Variants in C1orf21 observed in about 807,000 individuals in gnomAD.
C1orf21 encodes the protein chromosome 1 open reading frame 21.
C1orf21 carries 3 observed loss-of-function variants against 18.7 expected under a neutral mutation model. That is an observed-to-expected ratio of 0.16 (90% confidence interval 0.07 to 0.42). C1orf21 has a LOEUF of 0.42. Among genes scored for constraint, C1orf21 ranks in the 10% least tolerant of loss-of-function variants. C1orf21 has a pLI of 0.99. For synonymous variants in C1orf21, 41 were observed against 46.4 expected, an observed-to-expected ratio of 0.88 and a Z score of 0.47; for missense variants, 104 against 143.6, an observed-to-expected ratio of 0.72 and a Z score of 1.41.
chr1:184,388,920 A>G (rs1025894961), intron 1 of C1orf21, among the ~76,000 whole-genome samples: 4 of 152,026 alleles, frequency 2.6e-5, no homozygotes, highest in Admixed American at 2.0e-4. Context: ...TATTGTCTAG[A>G]GCTGGATTGT....
chr1:184,574,529 A>T (rs1659158745), intron 3 of C1orf21, among the ~76,000 whole-genome samples: 2 of 152,226 alleles, frequency 1.3e-5, no homozygotes, highest in African/African-American at 4.8e-5. Flanking sequence ...GACAGGAACC[A>T]CTTTACATTT....
intron 2 of C1orf21, among the ~76,000 whole-genome samples, chr1:184,479,613 CTTTT>C (rs55840285): frequency 3.2e-5 from 2 of 62,214 alleles, no homozygotes; most frequent in Non-Finnish European, 5.8e-5. Flanking sequence ...TCCCATAGGT[CTTTT>C]TTTTTTTTTT....
At chr1:184,568,848 C>T (rs907188121) in intron 3 of C1orf21, among the ~76,000 whole-genome samples, 3 of 152,206 alleles carry the variant, frequency 2.0e-5, no homozygotes, top group African/African-American at 7.2e-5. Flanking sequence ...CAGCTTCATT[C>T]TGAGTGGGAT....
intron 1 of C1orf21, among the ~76,000 whole-genome samples, chr1:184,388,006 T>C (rs1389651309): frequency 6.6e-6 from 1 of 152,176 alleles, no homozygotes; most frequent in Non-Finnish European, 1.5e-5. Context: ...GCTTGGTTAT[T>C]GTACACGAAA....
At chr1:184,528,602 G>A (rs982252511) in intron 3 of C1orf21, among the ~76,000 whole-genome samples, 2 of 151,942 alleles carry the variant, frequency 1.3e-5, no homozygotes, top group South Asian at 2.1e-4. Flanking sequence ...CTGCTACCAC[G>A]CCCGGCTAAT....
intron 1 of C1orf21, among the ~76,000 whole-genome samples, chr1:184,446,530 A>G (rs1657032381): frequency 6.6e-6 from 1 of 152,214 alleles, no homozygotes; most frequent in Non-Finnish European, 1.5e-5. Context: ...TTAAATGAAC[A>G]TGTTAAATGA....
Position 184,616,932 on chromosome 1 carries a change from C to G in C1orf21, c.328-2586C>G, listed in dbSNP as rs887323065. On this transcript the variant is annotated intron_variant, in intron 5 of 5. Coordinates refer to ENST00000235307, the MANE Select transcript of C1orf21 (RefSeq NM_030806.4). Reference sequence around the variant, plus strand: ...TTTCTGGCCTGTCTGGAGTGCAAGGCTGAGGTGGGAGGAAGAGTTCCCTGA... The same window carrying G: ...TTTCTGGCCTGTCTGGAGTGCAAGGGTGAGGTGGGAGGAAGAGTTCCCTGA... Among the ~76,000 whole-genome samples, 8 of 152,272 alleles carry G rather than the reference C, an allele frequency of 5.3e-5. No individual in the cohort carries two copies. In the South Asian group the frequency reaches 8.3e-4, roughly 16 times the overall value.
chr1:184,456,896 C>T (rs1427016918), intron 1 of C1orf21, among the ~76,000 whole-genome samples: 4 of 152,018 alleles, frequency 2.6e-5, no homozygotes, highest in South Asian at 2.1e-4. Context: ...CAGGGGTGCT[C>T]AGTATAATGT....
intron 3 of C1orf21, among the ~76,000 whole-genome samples, chr1:184,537,707 A>G (rs910286062): frequency 6.6e-6 from 1 of 151,782 alleles, no homozygotes; most frequent in Non-Finnish European, 1.5e-5. Flanking sequence ...CTGGAGTGCA[A>G]TGGTGTGATC....
In C1orf21 at chr1:184,625,893, T is replaced by A. The variant is rs1571309330; in HGVS notation, c.*6337T>A. On this transcript the variant is annotated 3_prime_UTR_variant, in exon 6 of 6. Transcript: ENST00000235307. ...TGGCCTTACACACATAATAGACACA[T>A]CCCTAACGGCGTGTGCCTGGTCCAG... is the stretch of plus-strand genomic sequence containing the variant. 6.6e-6 allele frequency: 1 copy of A among 152,082 alleles called. No homozygotes were observed. Among genetic ancestry groups the A allele is most frequent in the Non-Finnish European group, 1.5e-5 (1 of 68,036 alleles). 9.4% of individuals were successfully genotyped at this position (152,082 alleles called of 1,614,324 possible).
At chr1:184,527,831 G>C (rs191159232) in intron 3 of C1orf21, among the ~76,000 whole-genome samples, 3 of 152,148 alleles carry the variant, frequency 2.0e-5, no homozygotes, top group Non-Finnish European at 4.4e-5. Flanking sequence ...GGCTATCTGA[G>C]ATAAGGTCAG....
At chr1:184,576,842 C>T (rs1488507491) in intron 3 of C1orf21, among the ~76,000 whole-genome samples, 1 of 152,176 alleles carries the variant, frequency 6.6e-6, no homozygotes, top group East Asian at 1.9e-4. Context: ...GGAATAAAAC[C>T]CCAAATCCTT....
intron 1 of C1orf21, among the ~76,000 whole-genome samples, chr1:184,419,780 A>G (rs997499860): frequency 4.6e-5 from 7 of 152,160 alleles, no homozygotes; most frequent in African/African-American, 1.4e-4. Flanking sequence ...CAGGCCAGGG[A>G]ACAGCCAGTG....
chr1:184,558,098 C>T (rs993453883), intron 3 of C1orf21, among the ~76,000 whole-genome samples: 2 of 152,182 alleles, frequency 1.3e-5, no homozygotes, highest in African/African-American at 4.8e-5. Flanking sequence ...AAGGGTGGCT[C>T]TCTACAGGCT....
Position 184,541,332 on chromosome 1 carries a change from C to T in C1orf21, c.189+33650C>T, listed in dbSNP as rs149994477. 7.6e-3 allele frequency among the ~76,000 whole-genome samples: 1,150 copies of T among 152,252 alleles called. 6 individuals carry two copies. The highest frequency in any genetic ancestry group is 0.02 in the Middle Eastern group (6 of 294). The stretch of plus-strand genomic sequence containing the variant: ...TTTATTTTTTGCTTGTTTATTTAAG[C>T]AAATATCTTTAAAATAATGACTTTG... On this transcript the variant is annotated intron_variant, in intron 3 of 5. Coordinates refer to ENST00000235307, the MANE Select transcript of C1orf21 (RefSeq NM_030806.4).
chr1:184,567,167 G>GAGCTCAC lies in C1orf21; in HGVS notation c.190-23569_190-23563dup, dbSNP rs1318143293. 6.3e-6 allele frequency: 3 copies of GAGCTCAC among 476,554 alleles called. No homozygotes were observed. The Admixed American group carries it at 7.0e-5, about 11-fold the overall frequency. 29.5% of individuals were successfully genotyped at this position (476,554 alleles called of 1,614,324 possible). ...TCTTCATGAAGGTGGTTACTGGTGT[G>GAGCTCAC]AGCTCACAGTCCACACCAATAGCCT... On this transcript the variant is annotated intron_variant, in intron 3 of 5. Coordinates refer to ENST00000235307, the MANE Select transcript of C1orf21 (RefSeq NM_030806.4).
At chr1:184,563,197 G>C (rs2101986858) in intron 3 of C1orf21, among the ~76,000 whole-genome samples, 1 of 152,138 alleles carries the variant, frequency 6.6e-6, no homozygotes, top group East Asian at 1.9e-4. Context: ...TAATGCTCTA[G>C]AGACACTGCC....
chr1:184,465,202 C>A (rs1218313097), intron 1 of C1orf21, among the ~76,000 whole-genome samples: 1 of 152,170 alleles, frequency 6.6e-6, no homozygotes, highest in Non-Finnish European at 1.5e-5. Context: ...AAGGACCCAA[C>A]AGAATTTGTG....
At position 184,445,501 on chromosome 1, in the gene C1orf21, T is replaced by A. The variant is rs140524374; in HGVS notation, c.-124-31885T>A. Among the ~76,000 whole-genome samples, 419 of 151,154 alleles carry A rather than the reference T, an allele frequency of 2.8e-3. 3 individuals are homozygous for A. Among genetic ancestry groups the A allele is most frequent in the Middle Eastern group, 0.021 (6 of 292 alleles). On this transcript the variant is annotated intron_variant, in intron 1 of 5. Coordinates refer to ENST00000235307, the MANE Select transcript of C1orf21 (RefSeq NM_030806.4). ...CTGGACCTTTTTTTTTTTACCTGATTCGACTACACTTTAAATTAAAACGTG... is the reference window on the plus strand; with the variant it reads ...CTGGACCTTTTTTTTTTTACCTGATACGACTACACTTTAAATTAAAACGTG...
Sources: gnomAD v4.1 joint callset for allele counts (sites outside exome capture counted in the v4.1 genomes callset) on GRCh38, gnomAD v4.1.1 for gene constraint, MANE v1.5 for transcripts, NCBI Gene and HGNC (gene_info 2026-07-23, HGNC 2026-07-21) for gene names.